GPHN: variants seen among roughly 807,000 people sequenced by gnomAD.
The protein encoded by GPHN is gephyrin.
Under a neutral mutation model 95.5 loss-of-function variants are expected in GPHN, and 17 were observed. The observed-to-expected ratio is 0.18, with a 90% CI of 0.12 to 0.27. GPHN has a LOEUF of 0.27. GPHN is among the 10% of genes least tolerant of loss of function. The pLI is 1.00. For missense variants in GPHN, 660 were observed against 978.1 expected, an observed-to-expected ratio of 0.67 and a Z score of 4.34; for synonymous variants, 320 against 322.5, an observed-to-expected ratio of 0.99 and a Z score of 0.08.
At chr14:67,651,149 T>C in the GPHN span, 1 of 946,474 alleles carries the variant, frequency 1.1e-6, no homozygotes, top group Admixed American at 2.8e-5. Flanking sequence ...ACTATGTAAA[T>C]TTAAAGAAGT....
chr14:67,216,623 A>C, the GPHN span, among the ~76,000 whole-genome samples: 2 of 152,044 alleles, frequency 1.3e-5, no homozygotes, highest in Non-Finnish European at 2.9e-5. Context: ...TGTATCAGTA[A>C]ATTTTTAAAT....
chr14:66,545,613 C>T (rs1485707756), intron 1 of GPHN, among the ~76,000 whole-genome samples: 5 of 124,428 alleles, frequency 4.0e-5, no homozygotes, highest in Non-Finnish European at 6.5e-5. Flanking sequence ...GGGGGGCTGA[C>T]CCCCCCACCT....
At chr14:66,786,611 A>G (rs1399784682) in intron 3 of GPHN, among the ~76,000 whole-genome samples, 8 of 152,118 alleles carry the variant, frequency 5.3e-5, no homozygotes, top group African/African-American at 4.8e-5. Flanking sequence ...ATCTCTTACG[A>G]ACTAAAATCC....
the GPHN span, among the ~76,000 whole-genome samples, chr14:67,686,732 A>G: frequency 6.6e-6 from 1 of 152,150 alleles, no homozygotes; most frequent in Non-Finnish European, 1.5e-5. Flanking sequence ...CTTTATGGAA[A>G]ACGCTGGGGC....
the GPHN span, among the ~76,000 whole-genome samples, chr14:67,638,735 G>T: frequency 6.6e-6 from 1 of 152,332 alleles, no homozygotes; most frequent in African/African-American, 2.4e-5. Context: ...TTTAGAGGAG[G>T]CTGGCCCTTA....
chr14:67,052,580 C>G (rs1594947495), intron 10 of GPHN, among the ~76,000 whole-genome samples: 1 of 96,658 alleles, frequency 1.0e-5, no homozygotes, highest in African/African-American at 1.3e-4. Context: ...CCAAACTCAA[C>G]TCTGGATCAA....
At chr14:66,953,810 A>G (rs549640785) in intron 8 of GPHN, among the ~76,000 whole-genome samples, 1 of 152,190 alleles carries the variant, frequency 6.6e-6, no homozygotes, top group African/African-American at 2.4e-5. Context: ...AGGTGGGCAG[A>G]TCACTTGAGG....
chr14:66,945,595 A>G (rs984844659), intron 8 of GPHN, among the ~76,000 whole-genome samples: 4 of 152,176 alleles, frequency 2.6e-5, no homozygotes, highest in African/African-American at 7.2e-5. Context: ...CATGTAATCA[A>G]ACACCACCTG....
the GPHN span, chr14:67,562,429 C>A: frequency 6.2e-7 from 1 of 1,613,918 alleles, no homozygotes; most frequent in Non-Finnish European, 8.5e-7. Flanking sequence ...GCCCTCCCCA[C>A]CAGCCATGCA....
At chr14:67,345,861 C>A in the GPHN span, 1 of 1,612,354 alleles carries the variant, frequency 6.2e-7, no homozygotes, top group South Asian at 1.1e-5. Context: ...CTAAACCAGT[C>A]AGTTCATAAC....
At chr14:66,980,575 A>G (rs2070591030) in intron 9 of GPHN, among the ~76,000 whole-genome samples, 1 of 152,174 alleles carries the variant, frequency 6.6e-6, no homozygotes, top group African/African-American at 2.4e-5. Context: ...TGAACAGGAA[A>G]TAATTTATAT....
At chr14:66,788,803 C>T (rs1789135001) in intron 3 of GPHN, among the ~76,000 whole-genome samples, 1 of 152,076 alleles carries the variant, frequency 6.6e-6, no homozygotes, top group African/African-American at 2.4e-5. Context: ...ATTACAGGCG[C>T]CCGCCACCAG....
chr14:66,835,659 C>T lies in GPHN; in HGVS notation c.294+11093C>T, dbSNP rs548579782. ...TAGGAAAAGAGGAAGTCAAATTGTC[C>T]GTGTCTGCAGATGACATGATTGTAT... On this transcript the variant is annotated intron_variant, in intron 4 of 22. Transcript: ENST00000478722. Among the ~76,000 whole-genome samples the T allele has an allele frequency of 4.6e-5, 7 of 152,188 alleles. No individual in the cohort carries two copies. In the South Asian group the frequency reaches 6.2e-4, roughly 14 times the overall value.
At chr14:67,721,159 G>A in the GPHN span, among the ~76,000 whole-genome samples, 1 of 152,158 alleles carries the variant, frequency 6.6e-6, no homozygotes, top group East Asian at 1.9e-4. Flanking sequence ...GTTCCTGGAG[G>A]CTCCTCTGGC....
At chr14:67,623,056 C>A in the GPHN span, among the ~76,000 whole-genome samples, 2 of 152,154 alleles carry the variant, frequency 1.3e-5, no homozygotes, top group African/African-American at 4.8e-5. Flanking sequence ...TATGGCCTTC[C>A]CTTTGACTTT....
the GPHN span, chr14:67,663,031 G>T: frequency 7.1e-7 from 1 of 1,412,596 alleles, no homozygotes. Context: ...CCACCTACTC[G>T]GCTTGCTGAG....
chr14:66,673,494 A>C (rs564702850), intron 1 of GPHN, among the ~76,000 whole-genome samples: 1 of 152,298 alleles, frequency 6.6e-6, no homozygotes, highest in East Asian at 1.9e-4. Flanking sequence ...AAATAATCCT[A>C]ATTCCTCTCT....
chr14:66,523,912 A>G (rs1217891037), intron 1 of GPHN, among the ~76,000 whole-genome samples: 1 of 152,104 alleles, frequency 6.6e-6, no homozygotes, highest in Non-Finnish European at 1.5e-5. Flanking sequence ...AAGGTTCAAT[A>G]CTGAACTGGG....
At chr14:66,877,092 T>A (rs908274594) in intron 4 of GPHN, among the ~76,000 whole-genome samples, 1 of 152,096 alleles carries the variant, frequency 6.6e-6, no homozygotes, top group Non-Finnish European at 1.5e-5. Context: ...CATATGCAAA[T>A]CAGTAAACAT....
Sources: allele counts gnomAD v4.1 joint callset (sites outside exome capture counted in the v4.1 genomes callset), GRCh38; gene constraint gnomAD v4.1.1; transcripts MANE v1.5; gene names NCBI Gene and HGNC (gene_info 2026-07-23, HGNC 2026-07-21).